APC: variants seen among roughly 807,000 people sequenced by gnomAD.
The protein encoded by APC is APC regulator of Wnt signaling pathway.
APC carries 72 observed loss-of-function variants against 247.0 expected under a neutral mutation model. The ratio of observed to expected loss-of-function variants is 0.29; its 90% CI spans 0.24 to 0.35. The LOEUF is 0.35. Among genes scored for constraint, APC ranks in the 10% least tolerant of loss-of-function variants. APC has a pLI of 1.00. For missense variants in APC, 3,400 were observed against 3,360.7 expected, an observed-to-expected ratio of 1.01 and a Z score of -0.29; for synonymous variants, 1,254 against 1,162.5, an observed-to-expected ratio of 1.08 and a Z score of -1.60.
chr5:112,707,566 C>G lies in APC; in HGVS notation c.-152C>G. The G allele has an allele frequency of 2.6e-6, 2 of 758,968 alleles. No homozygotes were observed. Among genetic ancestry groups the G allele is most frequent in the East Asian group, 3.9e-5 (1 of 25,906 alleles). 47.0% of individuals were successfully genotyped at this position (758,968 alleles called of 1,614,324 possible). A position where few individuals can be genotyped will look rare whatever the true frequency, so the allele number is the denominator to read the frequency against. ...TAGCAAGGGGGCGGGGTGTGGCCGC[C>G]GGAAGCCTAGCCGCTGCTCGGGGGG... On this transcript the variant is annotated 5_prime_UTR_variant, in exon 1 of 14. Coordinates refer to the APC transcript ENST00000507379.
At chr5:112,807,750 G>A (rs1761559487) in intron 8 of APC, among the ~76,000 whole-genome samples, 1 of 152,040 alleles carries the variant, frequency 6.6e-6, no homozygotes, top group Non-Finnish European at 1.5e-5. Context: ...ATATCGACAT[G>A]TAACCTATTC....
chr5:112,812,485 C>T (rs549327536), intron 8 of APC, among the ~76,000 whole-genome samples: 63 of 152,220 alleles, frequency 4.1e-4, no homozygotes, highest in Non-Finnish European at 7.5e-4. Flanking sequence ...CCCTTCCTCT[C>T]CACACACACA....
chr5:112,777,452 G>A (rs1757784936), intron 5 of APC, among the ~76,000 whole-genome samples: 1 of 152,150 alleles, frequency 6.6e-6, no homozygotes, highest in Non-Finnish European at 1.5e-5. Flanking sequence ...GATGAAGGAA[G>A]CAACTACAGA....
intron 5 of APC, among the ~76,000 whole-genome samples, chr5:112,779,955 A>G (rs1407721974): frequency 6.6e-6 from 1 of 152,218 alleles, no homozygotes; most frequent in Non-Finnish European, 1.5e-5. Context: ...AAGGGCACAC[A>G]GAAAATCTAT....
rs1580672524 is a variant in APC, at chr5:112,842,192, A to T, written c.6598A>T (p.Thr2200Ser). Residue 2200 changes from threonine (T) to serine (S), a missense_variant, in exon 16 of 16, where the codon ACT becomes TCT. By Grantham distance (58) the Thr-to-Ser change is moderately conservative. This residue lies in a region of APC where 1,788 missense variants were observed against 1,649.5 expected (regional missense o/e 1.08). Transcript: ENST00000257430. ...GGKKVYKSLI[T>S]GKVRSNSEIS... ...AAAAAAAGTTTATAAAAGTTTGATT[A>T]CTGGAAAAGTTCGATCTAATTCAGA... 1.2e-6 allele frequency: 2 copies of T among 1,613,074 alleles called. No individual in the cohort carries two copies. The highest frequency in any genetic ancestry group is 8.5e-7 in the Non-Finnish European group (1 of 1,179,082).
At position 112,844,922 on chromosome 5, in the gene APC, A is replaced by G; in HGVS notation, c.*796A>G. ...CTGCTCTTTTATTAATGAGACATGA[A>G]TTGTGTCTCAACAGAAACTAAATGA... On this transcript the variant is annotated 3_prime_UTR_variant, in exon 16 of 16. Transcript: ENST00000257430. 4.3e-6 allele frequency: 1 copy of G among 232,624 alleles called. No individual in the cohort carries two copies. Among genetic ancestry groups the G allele is most frequent in the African/African-American group, 2.2e-5 (1 of 45,420 alleles). 14.4% of individuals were successfully genotyped at this position (232,624 alleles called of 1,614,324 possible).
intron 1 of APC, among the ~76,000 whole-genome samples, chr5:112,751,697 C>T (rs746440533): frequency 3.3e-5 from 5 of 151,598 alleles, no homozygotes; most frequent in Admixed American, 1.3e-4. Context: ...AATATTTCAT[C>T]GATGCTTTTG....
At chr5:112,709,255 G>T in intron 1 of APC, among the ~76,000 whole-genome samples, 1 of 152,156 alleles carries the variant, frequency 6.6e-6, no homozygotes, top group Admixed American at 6.5e-5. Flanking sequence ...TGGCAGATTT[G>T]TTTACTTTTC....
intron 14 of APC, among the ~76,000 whole-genome samples, chr5:112,833,566 C>T (rs1764542298): frequency 6.6e-6 from 1 of 152,154 alleles, no homozygotes; most frequent in East Asian, 1.9e-4. Context: ...TTAAGTGATC[C>T]ACCCACCTCA....
chr5:112,781,019 G>A (rs77820839), intron 6 of APC, 116 bp downstream of exon 6: 3 of 770,178 alleles, frequency 3.9e-6, no homozygotes, highest in Non-Finnish European at 6.8e-6. Context: ...TGTTTATTTT[G>A]GCTCTATTTC....
At chr5:112,801,197 A>T in intron 7 of APC, 82 bp from the exon 8 acceptor site, 2 of 1,094,314 alleles carry the variant, frequency 1.8e-6, no homozygotes, top group Non-Finnish European at 2.7e-6. Flanking sequence ...TCAGAGCTTT[A>T]AAGCAAAAAA....
At chr5:112,724,359 A>T (rs558084113) in intron 1 of APC, among the ~76,000 whole-genome samples, 38 of 152,314 alleles carry the variant, frequency 2.5e-4, no homozygotes, top group African/African-American at 9.1e-4. Context: ...CTGGCTGCTT[A>T]GGATAGGTAT....
At chr5:112,715,885 C>A (rs914775338) in intron 1 of APC, among the ~76,000 whole-genome samples, 8 of 151,982 alleles carry the variant, frequency 5.3e-5, no homozygotes, top group African/African-American at 1.9e-4. Context: ...ACTAAGAATT[C>A]TTTTATCTAA....
Position 112,821,942 on chromosome 5 carries a change from A to T in APC, c.1359A>T (p.Leu453=), listed in dbSNP as rs751945983. 6.2e-7 allele frequency: 1 copy of T among 1,613,490 alleles called. No individual in the cohort carries two copies. The highest frequency in any genetic ancestry group is 8.5e-7 in the Non-Finnish European group (1 of 1,179,736). Residue 453 remains leucine (L), a synonymous_variant, in exon 11 of 16, where the codon CTA becomes CTT. Coordinates refer to ENST00000257430, the MANE Select transcript of APC (RefSeq NM_000038.6). ...EHQICPAVCV[L]MKLSFDEEHR... ...AGATCTGTCCTGCTGTGTGTGTTCT[A>T]ATGAAACTTTCATTTGATGAAGAGC... is the stretch of plus-strand genomic sequence containing the variant.
At chr5:112,807,996 A>G (rs1455677981) in intron 8 of APC, among the ~76,000 whole-genome samples, 1 of 152,008 alleles carries the variant, frequency 6.6e-6, no homozygotes, top group Non-Finnish European at 1.5e-5. Flanking sequence ...CTCTACTGAA[A>G]ATACAAAAAT....
rs1158663132 is a variant in APC, at chr5:112,839,335, C to T, written c.3741C>T (p.Ala1247=). 3 of 1,613,056 alleles carry T rather than the reference C, an allele frequency of 1.9e-6. No individual in the cohort carries two copies. Among genetic ancestry groups the T allele is most frequent in the South Asian group, 1.1e-5 (1 of 90,974 alleles). The change falls in exon 16 of 16, where the codon GCC becomes GCT. Residue 1247 remains alanine, a synonymous_variant. Coordinates refer to ENST00000257430, the MANE Select transcript of APC (RefSeq NM_000038.6). The surrounding 1 kb of genome is among the most constrained non-coding windows in gnomAD (Gnocchi z 5.0). Reference sequence around the variant, plus strand: ...GAAGTGGTCAGCCTCAAAAGGCTGCCACTTGCAAAGTTTCTTCTATTAACC... The same window carrying T: ...GAAGTGGTCAGCCTCAAAAGGCTGCTACTTGCAAAGTTTCTTCTATTAACC... ...QSRSGQPQKA[A]TCKVSSINQE...
chr5:112,756,564 C>T (rs1241900926), intron 2 of APC, among the ~76,000 whole-genome samples: 9 of 152,174 alleles, frequency 5.9e-5, no homozygotes, highest in Admixed American at 1.3e-4. Flanking sequence ...TGGTATATTT[C>T]GCAGAGAACT....
In APC at chr5:112,845,909, C is replaced by G. The variant is rs1766949911; in HGVS notation, c.*1783C>G. The G allele has an allele frequency of 1.3e-5, 3 of 232,252 alleles. No homozygotes were observed. Among genetic ancestry groups the G allele is most frequent in the Non-Finnish European group, 1.7e-5 (2 of 117,472 alleles). The allele number at this position is 232,252 out of a possible 1,614,324, so 14.4% of individuals were successfully genotyped here. On this transcript the variant is annotated 3_prime_UTR_variant, in exon 16 of 16. Transcript: ENST00000257430. ...ACCTTTTTAAGCATGGTGGGGCACT[C>G]AGATAGGAGTGAATACACCTACCTG...
In APC at chr5:112,838,882, G is replaced by A. The variant is rs1765383284; in HGVS notation, c.3288G>A (p.Gln1096=). 1.2e-6 allele frequency: 2 copies of A among 1,614,118 alleles called. No homozygotes were observed. Among genetic ancestry groups the A allele is most frequent in the South Asian group, 1.1e-5 (1 of 91,078 alleles). ...HLKFQPHFGQ[Q]ECVSPYRSRG... ...AGTTCCAACCACATTTTGGACAGCA[G>A]GAATGTGTTTCTCCATACAGGTCAC... is the stretch of plus-strand genomic sequence containing the variant. The change falls in exon 16 of 16, where the codon CAG becomes CAA. Residue 1096 remains glutamine, a synonymous_variant. Transcript: ENST00000257430.
Sources: allele counts gnomAD v4.1 joint callset (sites outside exome capture counted in the v4.1 genomes callset), GRCh38; gene constraint gnomAD v4.1.1; regional missense constraint gnomAD v4.1.1; non-coding constraint Gnocchi (gnomAD v3.1); transcripts MANE v1.5; gene names NCBI Gene and HGNC (gene_info 2026-07-23, HGNC 2026-07-21).